The following PTPRO variants were observed in gnomAD, a reference collection of about 807,000 sequenced individuals.
The protein encoded by PTPRO is receptor-type tyrosine-protein phosphatase O.
In PTPRO, 62 loss-of-function variants were observed where a neutral mutation model predicts 145.2. The observed-to-expected ratio is 0.43, with a 90% CI of 0.35 to 0.53. The LOEUF (loss-of-function observed/expected upper bound fraction) is 0.53. PTPRO is among the 20% of genes least tolerant of loss of function. The pLI is 0.01. For missense variants in PTPRO, 1,345 were observed against 1,482.7 expected (o/e 0.91, Z 1.53); for synonymous variants, 565 against 514.7 (o/e 1.10, Z -1.32).
intron 1 of PTPRO, among the ~76,000 whole-genome samples, chr12:15,409,876 G>A (rs1264020178): frequency 1.3e-5 from 2 of 152,170 alleles, no homozygotes; most frequent in African/African-American, 2.4e-5. Context: ...CGCACCAGGC[G>A]CTATCTCCAG....
chr12:15,570,144 G>C (rs1458963156), intron 19 of PTPRO, among the ~76,000 whole-genome samples: 1 of 152,156 alleles, frequency 6.6e-6, no homozygotes, highest in African/African-American at 2.4e-5. Context: ...AAGTGAGTGA[G>C]TCTAATATCT....
intron 1 of PTPRO, among the ~76,000 whole-genome samples, chr12:15,332,248 A>G (rs1165293629): frequency 1.3e-5 from 2 of 152,160 alleles, no homozygotes; most frequent in Non-Finnish European, 2.9e-5. Context: ...TGCTTATATG[A>G]TAGATGCTTT....
chr12:15,374,121 C>A (rs7960416), intron 1 of PTPRO, among the ~76,000 whole-genome samples: 22,289 of 152,054 alleles, frequency 0.15, 3,698 homozygotes, highest in African/African-American at 0.41. Flanking sequence ...TATTTATTAC[C>A]TAGTTTTAGA....
intron 1 of PTPRO, chr12:15,410,636 T>G (rs1248962618): frequency 6.6e-6 from 1 of 152,206 alleles, no homozygotes; most frequent in Non-Finnish European, 1.5e-5. Context: ...TGAGCCAATA[T>G]GTGATAATAA....
At chr12:15,374,214 T>TTTCA (rs1938614782) in intron 1 of PTPRO, among the ~76,000 whole-genome samples, 4 of 152,088 alleles carry the variant, frequency 2.6e-5, no homozygotes. Flanking sequence ...GTCACTGAAA[T>TTTCA]ACTGGGAAGG....
chr12:15,567,646 G>A (rs993208896), intron 18 of PTPRO, among the ~76,000 whole-genome samples: 2 of 152,092 alleles, frequency 1.3e-5, no homozygotes, highest in Admixed American at 6.6e-5. Context: ...CTTTAAGGTC[G>A]ATACACTGCC....
rs57732834 is a variant in PTPRO at position 15,534,447 on chromosome 12, G to A, written c.2164+8185G>A. Among the ~76,000 whole-genome samples the A allele has an allele frequency of 1.4e-3, 216 of 152,264 alleles. 2 individuals are homozygous for A. In the East Asian group the frequency reaches 0.038, roughly 27 times the overall value. On this transcript the variant is annotated intron_variant, in intron 12 of 26. Transcript: ENST00000281171. The stretch of plus-strand genomic sequence containing the variant: ...AGATGCCAGAGTACTTGTGGTAGTC[G>A]TGATGGTAATGAACCCAGAGCGCTA...
At chr12:15,435,356 A>C (rs552374342) in intron 1 of PTPRO, among the ~76,000 whole-genome samples, 6 of 152,312 alleles carry the variant, frequency 3.9e-5, no homozygotes, top group Admixed American at 2.6e-4. Context: ...AAAGTATAAA[A>C]ATTTTTGTGT....
intron 1 of PTPRO, among the ~76,000 whole-genome samples, chr12:15,434,503 G>C (rs910704542): frequency 6.6e-6 from 1 of 152,140 alleles, no homozygotes; most frequent in Non-Finnish European, 1.5e-5. Context: ...CTTTCAGCAG[G>C]AGTTTACAAA....
intron 12 of PTPRO, among the ~76,000 whole-genome samples, chr12:15,530,913 T>C (rs898050463): frequency 6.6e-6 from 1 of 151,542 alleles, no homozygotes; most frequent in African/African-American, 2.4e-5. Flanking sequence ...TAAAAATAAA[T>C]ACAGAAGATC....
At position 15,578,207 on chromosome 12, in the gene PTPRO, A is replaced by T. The variant is rs564129720; in HGVS notation, c.2830-646A>T. ...TTTTTTACTACTTTCTCTAAGGCTC[A>T]TTGCCTACAAGAAAAAAAAAGCCTA... On this transcript the variant is annotated intron_variant, in intron 19 of 26. Transcript: ENST00000281171. Among the ~76,000 whole-genome samples the T allele has an allele frequency of 1.3e-3, 204 of 152,192 alleles. 1 individual carries two copies. The highest frequency in any genetic ancestry group is 4.7e-3 in the African/African-American group (194 of 41,508).
Position 15,358,606 on chromosome 12 carries a change from T to G in PTPRO, c.75+35805T>G, listed in dbSNP as rs141825656. Among the ~76,000 whole-genome samples, 584 of 152,252 alleles carry G rather than the reference T, an allele frequency of 3.8e-3. 4 individuals are homozygous for G. The highest frequency in any genetic ancestry group is 0.01 in the Middle Eastern group (3 of 294). ...AGACTCTCTAATCTAGTTTCTAAGT[T>G]TTACAGATGAAGAAATTCTGTGTTA... On this transcript the variant is annotated intron_variant, in intron 1 of 26. Coordinates refer to ENST00000281171, the MANE Select transcript of PTPRO (RefSeq NM_030667.3).
In PTPRO at chr12:15,580,717, G is replaced by A; in HGVS notation, c.3018G>A (p.Glu1006=). The stretch of plus-strand genomic sequence containing the variant: ...TTCAGGGATACAACTCACCCCAGGA[G>A]TATATTGCCACCCAGGGGCCACTGC... ...NYIPGYNSPQ[E]YIATQGPLPE... is the part of the protein sequence containing the mutation. Residue 1006 remains glutamate, a synonymous_variant, in exon 22 of 27, where the codon GAG becomes GAA. Coordinates refer to ENST00000281171, the MANE Select transcript of PTPRO (RefSeq NM_030667.3). The A allele has an allele frequency of 4.3e-6, 7 of 1,614,074 alleles. No homozygotes were observed. The highest frequency in any genetic ancestry group is 5.9e-6 in the Non-Finnish European group (7 of 1,179,976).
intron 1 of PTPRO, among the ~76,000 whole-genome samples, chr12:15,363,920 C>T (rs546900586): frequency 5.4e-4 from 82 of 152,198 alleles, no homozygotes; most frequent in African/African-American, 1.9e-3. Context: ...TACTAGCTGG[C>T]ATCAGAATAT....
intron 2 of PTPRO, among the ~76,000 whole-genome samples, chr12:15,484,684 A>G (rs1224258434): frequency 6.6e-6 from 1 of 152,126 alleles, no homozygotes; most frequent in African/African-American, 2.4e-5. Flanking sequence ...TGGCTGAGAG[A>G]GAGAAAAAGA....
At chr12:15,546,772 A>AT in intron 13 of PTPRO, 64 bp downstream of exon 13, 1 of 1,578,506 alleles carries the variant, frequency 6.3e-7, no homozygotes, top group Non-Finnish European at 8.7e-7. Flanking sequence ...TCTGGGCAAA[A>AT]TAAGAATCTT....
At chr12:15,375,341 A>G (rs979553704) in intron 1 of PTPRO, among the ~76,000 whole-genome samples, 13 of 152,230 alleles carry the variant, frequency 8.5e-5, no homozygotes, top group Non-Finnish European at 1.3e-4. Context: ...CCCAGATTTT[A>G]GACTTACTAG....
At chr12:15,326,046 G>A (rs1555143030) in intron 1 of PTPRO, among the ~76,000 whole-genome samples, 1 of 152,100 alleles carries the variant, frequency 6.6e-6, no homozygotes, top group South Asian at 2.1e-4. Context: ...TTATGATACT[G>A]GCCATTCTAC....
In PTPRO at chr12:15,472,773, T is replaced by TGACACGA. The variant is rs1180145399; in HGVS notation, c.76-11200_76-11199insACACGAG. On this transcript the variant is annotated intron_variant, in intron 1 of 26. Coordinates refer to ENST00000281171, the MANE Select transcript of PTPRO (RefSeq NM_030667.3). ...TCACTCGTGTCACCAAACTGCACAGTGGCTGAGCCTTTGGATGAGTGTGAC... is the reference window on the plus strand; with the variant it reads ...TCACTCGTGTCACCAAACTGCACAGTGACACGAGGCTGAGCCTTTGGATGAGTGTGAC... Among the ~76,000 whole-genome samples the TGACACGA allele has an allele frequency of 2.0e-5, 3 of 152,354 alleles. No individual in the cohort carries two copies. In the East Asian group the frequency reaches 5.8e-4, roughly 29 times the overall value.
Sources: gnomAD v4.1 joint callset for allele counts (sites outside exome capture counted in the v4.1 genomes callset) on GRCh38, gnomAD v4.1.1 for gene constraint, MANE v1.5 for transcripts, NCBI Gene and HGNC (gene_info 2026-07-23, HGNC 2026-07-21) for gene names.